Variants in MGAT4C observed in about 807,000 individuals in gnomAD.
The protein encoded by MGAT4C is MGAT4 family member C.
MGAT4C carries 19 observed loss-of-function variants against 40.1 expected under a neutral mutation model. That is an observed-to-expected ratio of 0.47 (90% CI 0.33 to 0.70). MGAT4C has a LOEUF of 0.70. Among genes scored for constraint, MGAT4C ranks in the 30% least tolerant of loss-of-function variants. MGAT4C has a pLI of 0.02. For missense variants in MGAT4C, 491 were observed against 563.2 expected (o/e 0.87, Z 1.30); for synonymous variants, 181 against 187.1 (o/e 0.97, Z 0.27).
chr12:86,496,143 T>C (rs1304190088), intron 2 of MGAT4C, among the ~76,000 whole-genome samples: 7 of 151,636 alleles, frequency 4.6e-5, no homozygotes, highest in Non-Finnish European at 2.9e-5. Flanking sequence ...AGATAATTGT[T>C]CCCTCCTCTA....
At chr12:86,698,538 T>G (rs575402688) in intron 2 of MGAT4C, among the ~76,000 whole-genome samples, 42 of 152,282 alleles carry the variant, frequency 2.8e-4, no homozygotes, top group African/African-American at 1.0e-3. Flanking sequence ...GACAGCAATA[T>G]CTATATGAAA....
chr12:86,012,305 A>G (rs1565856964), intron 2 of MGAT4C, among the ~76,000 whole-genome samples: 1 of 152,212 alleles, frequency 6.6e-6, no homozygotes, highest in Non-Finnish European at 1.5e-5. Context: ...ATCCAAGGCT[A>G]TTGATTACAG....
intron 1 of MGAT4C, among the ~76,000 whole-genome samples, chr12:86,157,352 A>G (rs1885075523): frequency 6.6e-6 from 1 of 152,098 alleles, no homozygotes; most frequent in Non-Finnish European, 1.5e-5. Flanking sequence ...AAACATAATA[A>G]CTTTAAAGTA....
chr12:86,566,525 CATATACATATATAT>C lies in MGAT4C; in HGVS notation c.-228-131274_-228-131261del, dbSNP rs1329473387. 1.3e-3 allele frequency among the ~76,000 whole-genome samples: 90 copies of C among 70,962 alleles called. 1 individual carries two copies. The highest frequency in any genetic ancestry group is 4.3e-3 in the East Asian group (8 of 1,856). The allele number at this position is 70,962 out of a possible 152,430, so 46.6% of individuals were successfully genotyped here. A position where few individuals can be genotyped will look rare whatever the true frequency, so the allele number is the denominator to read the frequency against. ...CATGTGAGTTAATACTTAGTAAACT[CATATACATATATAT>C]ATATATATATATATATATATATATA... On this transcript the variant is annotated intron_variant, in intron 2 of 7. Coordinates refer to the MGAT4C transcript ENST00000548651.
At chr12:86,208,023 C>T (rs565880442) in intron 1 of MGAT4C, among the ~76,000 whole-genome samples, 3 of 152,284 alleles carry the variant, frequency 2.0e-5, no homozygotes, top group African/African-American at 7.2e-5. Context: ...TCAAGACAGC[C>T]TTAATGTTTT....
chr12:86,570,118 G>A (rs1302535554), intron 2 of MGAT4C, among the ~76,000 whole-genome samples: 1 of 152,028 alleles, frequency 6.6e-6, no homozygotes, highest in Non-Finnish European at 1.5e-5. Context: ...ATACATTCAA[G>A]AGACCTATTG....
At chr12:86,463,152 T>C (rs1022266500) in intron 2 of MGAT4C, among the ~76,000 whole-genome samples, 2 of 152,104 alleles carry the variant, frequency 1.3e-5, no homozygotes, top group Admixed American at 6.5e-5. Context: ...TAGGGATGGA[T>C]AGCTGAGAAT....
chr12:86,532,664 C>T (rs1959004573), intron 2 of MGAT4C, among the ~76,000 whole-genome samples: 1 of 152,024 alleles, frequency 6.6e-6, no homozygotes, highest in Admixed American at 6.6e-5. Flanking sequence ...GATTTAGAAA[C>T]AACCTATTAA....
intron 2 of MGAT4C, among the ~76,000 whole-genome samples, chr12:86,013,204 A>G (rs1888687815): frequency 6.6e-6 from 1 of 152,246 alleles, no homozygotes; most frequent in Admixed American, 6.5e-5. Flanking sequence ...TTTACATGAA[A>G]GTAATACTTC....
intron 1 of MGAT4C, among the ~76,000 whole-genome samples, chr12:86,802,168 A>G (rs910623079): frequency 2.0e-5 from 3 of 152,078 alleles, no homozygotes; most frequent in African/African-American, 7.2e-5. Flanking sequence ...AATTGTTGAA[A>G]GATTAGTGAA....
chr12:86,639,718 T>C (rs769349196), intron 2 of MGAT4C, among the ~76,000 whole-genome samples: 1 of 151,698 alleles, frequency 6.6e-6, no homozygotes. Context: ...AATCTCCCAA[T>C]AGGAATGGAG....
At chr12:86,732,236 C>T (rs1366879901) in intron 1 of MGAT4C, among the ~76,000 whole-genome samples, 1 of 152,076 alleles carries the variant, frequency 6.6e-6, no homozygotes, top group East Asian at 1.9e-4. Flanking sequence ...CTATTTAGTT[C>T]ATCAATGCAT....
At chr12:86,404,666 G>A (rs1956429750) in intron 3 of MGAT4C, among the ~76,000 whole-genome samples, 2 of 151,890 alleles carry the variant, frequency 1.3e-5, no homozygotes, top group African/African-American at 4.8e-5. Context: ...CTGAATTGGT[G>A]GTAATTTATA....
At chr12:86,174,852 C>T (rs868510623) in intron 1 of MGAT4C, among the ~76,000 whole-genome samples, 1 of 152,242 alleles carries the variant, frequency 6.6e-6, no homozygotes, top group African/African-American at 2.4e-5. Flanking sequence ...AAGCTTAGAA[C>T]TCACATTAGT....
chr12:86,593,997 C>T (rs371673413), intron 2 of MGAT4C, among the ~76,000 whole-genome samples: 12 of 152,252 alleles, frequency 7.9e-5, no homozygotes, highest in African/African-American at 2.2e-4. Context: ...CAAGATTCCT[C>T]GGCTTGCTTC....
At chr12:86,018,034 T>G (rs919100763) in intron 2 of MGAT4C, among the ~76,000 whole-genome samples, 1 of 152,138 alleles carries the variant, frequency 6.6e-6, no homozygotes, top group Non-Finnish European at 1.5e-5. Flanking sequence ...TTAGAATGCA[T>G]ATGACTGTGC....
Position 86,676,232 on chromosome 12 carries a change from A to G in MGAT4C, c.-229+50977T>C, listed in dbSNP as rs12299621. 2.0e-3 allele frequency among the ~76,000 whole-genome samples: 310 copies of G among 152,236 alleles called. 2 individuals are homozygous for G. The highest frequency in any genetic ancestry group is 7.2e-3 in the African/African-American group (299 of 41,562). On this transcript the variant is annotated intron_variant, in intron 2 of 7. Transcript: ENST00000548651. Reference sequence around the variant, plus strand: ...AGGAGAAAATATATGCAAAGTTAAAAAGATGTAACAATGTAGGATATTTAG... The same window carrying G: ...AGGAGAAAATATATGCAAAGTTAAAGAGATGTAACAATGTAGGATATTTAG...
intron 3 of MGAT4C, among the ~76,000 whole-genome samples, chr12:86,383,999 T>C (rs1389007891): frequency 1.3e-5 from 2 of 152,106 alleles, no homozygotes; most frequent in South Asian, 4.1e-4. Context: ...GTCTTTCCCA[T>C]GCTGTTCTAA....
At chr12:86,310,771 A>G (rs1267182211) in intron 4 of MGAT4C, among the ~76,000 whole-genome samples, 1 of 152,062 alleles carries the variant, frequency 6.6e-6, no homozygotes, top group Non-Finnish European at 1.5e-5. Context: ...AAAATACAAA[A>G]AAATTAGCCA....
Sources: gnomAD v4.1 joint callset for allele counts (sites outside exome capture counted in the v4.1 genomes callset) on GRCh38, gnomAD v4.1.1 for gene constraint, MANE v1.5 for transcripts, NCBI Gene and HGNC (gene_info 2026-07-23, HGNC 2026-07-21) for gene names.